Variants in CCDC82 observed in about 807,000 individuals in gnomAD.
CCDC82 encodes the protein coiled-coil domain containing 82, also known as coiled-coil domain-containing protein 82.
A neutral mutation model predicts 60.6 loss-of-function variants in CCDC82; 47 were observed. That is an observed-to-expected ratio of 0.77 (90% CI 0.61 to 0.99). The LOEUF (loss-of-function observed/expected upper bound fraction) is 0.99. Among genes scored for constraint, CCDC82 ranks in the 50% least tolerant of loss-of-function variants. CCDC82 has a pLI of 0.00. For missense variants in CCDC82, 588 were observed against 633.0 expected (o/e 0.93, Z 0.76); for synonymous variants, 212 against 207.4 (o/e 1.02, Z -0.19).
At chr11:96,379,380 T>A (rs1051196543) in intron 5 of CCDC82, among the ~76,000 whole-genome samples, 9 of 151,850 alleles carry the variant, frequency 5.9e-5, no homozygotes, top group African/African-American at 1.9e-4. Flanking sequence ...TGAAAAAATC[T>A]GATGTCCAAT....
At chr11:96,368,944 G>C (rs1242231998) in intron 7 of CCDC82, among the ~76,000 whole-genome samples, 1 of 151,866 alleles carries the variant, frequency 6.6e-6, no homozygotes, top group East Asian at 1.9e-4. Flanking sequence ...ACTTTCATCA[G>C]TTATCTTAGC....
intron 2 of CCDC82, chr11:96,387,211 G>C (rs1866245848): frequency 6.6e-6 from 1 of 152,112 alleles, no homozygotes; most frequent in Non-Finnish European, 1.5e-5. Context: ...GGACAGTAAA[G>C]AACATTAAAG....
chr11:96,363,974 T>C lies in CCDC82; in HGVS notation c.1380+1006A>G, dbSNP rs183725204. ...TTCAGTTTATTGTTTTTTTAAATAT[T>C]TGAATAACTATTTTATATAGAATCT... On this transcript the variant is annotated intron_variant, in intron 8 of 9. Transcript: ENST00000646818. 10 of 152,258 alleles carry C rather than the reference T, an allele frequency of 6.6e-5. No homozygotes were observed. In the South Asian group the frequency reaches 8.3e-4, roughly 13 times the overall value. 9.4% of individuals were successfully genotyped at this position (152,258 alleles called of 1,614,324 possible). A position where few individuals can be genotyped will look rare whatever the true frequency, so the allele number is the denominator to read the frequency against.
At chr11:96,357,362 C>T in intron 9 of CCDC82, 1 of 985,166 alleles carries the variant, frequency 1.0e-6, no homozygotes, top group Non-Finnish European at 1.2e-6. Flanking sequence ...CATGCACAAT[C>T]TTGAAATACC....
At chr11:96,384,917 A>T in intron 3 of CCDC82, 156 bp from the exon 4 acceptor site, 1 of 525,266 alleles carries the variant, frequency 1.9e-6, no homozygotes, top group Non-Finnish European at 3.3e-6. Context: ...ACATTAATTT[A>T]ACAAATAATT....
At chr11:96,384,848 C>G (rs541080341) in intron 3 of CCDC82, 87 bp from the exon 4 acceptor site, 2 of 841,702 alleles carry the variant, frequency 2.4e-6, no homozygotes, top group Admixed American at 3.5e-5. Context: ...ATTTATTTGG[C>G]TTTATTTAAT....
intron 6 of CCDC82, 110 bp from the exon 7 acceptor site, chr11:96,371,247 G>GA (rs772157451): frequency 6.6e-5 from 45 of 683,170 alleles, no homozygotes; most frequent in Non-Finnish European, 8.6e-5. Flanking sequence ...TTTAAATTAG[G>GA]AAAAAAAATA....
chr11:96,359,835 A>G (rs934500442), intron 8 of CCDC82, among the ~76,000 whole-genome samples: 12 of 151,172 alleles, frequency 7.9e-5, no homozygotes, highest in African/African-American at 2.9e-4. Context: ...AAAATGATCT[A>G]AAGTAAAAAA....
chr11:96,376,383 G>T (rs1023136937), intron 5 of CCDC82, among the ~76,000 whole-genome samples: 139 of 136,220 alleles, frequency 1.0e-3, no homozygotes, highest in Non-Finnish European at 1.9e-3. Flanking sequence ...TTTCTGTTCT[G>T]TTTCACAGTA....
chr11:96,388,344 AAATGAG>A (rs752939575), intron 1 of CCDC82: 2 of 152,216 alleles, frequency 1.3e-5, no homozygotes, highest in Non-Finnish European at 2.9e-5. Flanking sequence ...TAATTTCCTG[AAATGAG>A]AATTTTATCG....
At chr11:96,388,843 G>A (rs1044945830) in intron 1 of CCDC82, 1 of 152,174 alleles carries the variant, frequency 6.6e-6, no homozygotes, top group Admixed American at 6.5e-5. Context: ...TTATATGGCA[G>A]TTTGGAGAGC....
intron 8 of CCDC82, 47 bp downstream of exon 8, chr11:96,364,933 T>C: frequency 6.6e-7 from 1 of 1,511,854 alleles, no homozygotes; most frequent in Non-Finnish European, 8.9e-7. Flanking sequence ...ATTTATGAAA[T>C]AAAAATTTCT....
At chr11:96,361,346 AT>A (rs1477195466) in intron 8 of CCDC82, among the ~76,000 whole-genome samples, 1 of 151,992 alleles carries the variant, frequency 6.6e-6, no homozygotes, top group African/African-American at 2.4e-5. Flanking sequence ...AAAAATCCTA[AT>A]TTTTTTTCCT....
chr11:96,355,717 T>C (rs1289172308), intron 9 of CCDC82: 1 of 152,084 alleles, frequency 6.6e-6, no homozygotes, highest in East Asian at 1.9e-4. Flanking sequence ...AAAAAAAAAC[T>C]TGGAAAGTGA....
chr11:96,383,572 C>A, intron 4 of CCDC82, 99 bp from the exon 5 acceptor site: 3 of 733,616 alleles, frequency 4.1e-6, no homozygotes, highest in Non-Finnish European at 6.5e-6. Context: ...AAAAAATGAT[C>A]CATAGTAATT....
In CCDC82 at chr11:96,364,990, T is replaced by C; in HGVS notation, c.1370A>G (p.His457Arg). Residue 457 changes from histidine (H) to arginine (R), a missense_variant, in exon 8 of 10, where the codon CAT (histidine) becomes CGT (arginine). Coordinates refer to ENST00000646818, the MANE Select transcript of CCDC82 (RefSeq NM_024725.4). Reference protein sequence around the residue: ...RTMQIDNFMSHDKQVFTVGRI... With the variant: ...RTMQIDNFMSRDKQVFTVGRI... ...GAGGGAAGAAAATACCTGTTTATCA[T>C]GTGACATGAAATTATCTATTTGCAT... The C allele has an allele frequency of 1.9e-6, 3 of 1,599,464 alleles. No individual in the cohort carries two copies. Among genetic ancestry groups the C allele is most frequent in the South Asian group, 1.2e-5 (1 of 86,336 alleles).
intron 7 of CCDC82, among the ~76,000 whole-genome samples, chr11:96,368,333 AAAAATATTCAGT>A (rs1318360588): frequency 1.3e-5 from 2 of 152,160 alleles, no homozygotes; most frequent in Admixed American, 6.5e-5. Flanking sequence ...ACAGTGGTCC[AAAAATATTCAGT>A]AAACTATGCT....
intron 7 of CCDC82, among the ~76,000 whole-genome samples, chr11:96,365,408 T>C (rs989859739): frequency 6.6e-6 from 1 of 152,206 alleles, no homozygotes. Flanking sequence ...CTTACACTTC[T>C]GCGGTTGCTA....
chr11:96,356,632 A>G (rs1337082607), intron 9 of CCDC82: 5 of 960,354 alleles, frequency 5.2e-6, no homozygotes, highest in Non-Finnish European at 6.2e-6. Context: ...CTTTAGAATA[A>G]GACATGCATT....
Sources: gnomAD v4.1 joint callset for allele counts (sites outside exome capture counted in the v4.1 genomes callset) on GRCh38, gnomAD v4.1.1 for gene constraint, MANE v1.5 for transcripts, NCBI Gene and HGNC (gene_info 2026-07-23, HGNC 2026-07-21) for gene names.